Variants in FMN1 observed in about 807,000 individuals in gnomAD.
FMN1 encodes formin-1.
In FMN1, 110 loss-of-function variants were observed where a neutral mutation model predicts 132.4. That is an observed-to-expected ratio of 0.83 (90% CI 0.71 to 0.97). The LOEUF (loss-of-function observed/expected upper bound fraction) is 0.97, where lower values mean the gene tolerates loss of function less well. Ranked by LOEUF, FMN1 falls within the 50% of genes least tolerant of loss-of-function variation. The probability of loss-of-function intolerance (pLI) is 0.00; values close to 1 mark genes in which losing one functional copy is unlikely to be tolerated. For synonymous variants in FMN1, 722 were observed against 651.7 expected, an observed-to-expected ratio of 1.11 and a Z score of -1.64; for missense variants, 1,792 against 1,705.3, an observed-to-expected ratio of 1.05 and a Z score of -0.90.
intron 3 of FMN1, among the ~76,000 whole-genome samples, chr15:33,159,637 C>A (rs1039858818): frequency 5.3e-5 from 8 of 152,198 alleles, no homozygotes; most frequent in Non-Finnish European, 2.9e-5. Flanking sequence ...TGGTAACAAG[C>A]AGGTTGATGA....
intron 6 of FMN1, among the ~76,000 whole-genome samples, chr15:33,019,203 C>A (rs2035271446): frequency 6.6e-6 from 1 of 152,064 alleles, no homozygotes; most frequent in Admixed American, 6.6e-5. Context: ...ATTCACAATC[C>A]CTGAGCTAGA....
At chr15:32,819,388 C>T (rs149820568) in intron 17 of FMN1, among the ~76,000 whole-genome samples, 4 of 152,306 alleles carry the variant, frequency 2.6e-5, no homozygotes, top group Admixed American at 6.5e-5. Flanking sequence ...ATGGGTCGTT[C>T]TCACCCACGA....
At chr15:33,080,674 G>A (rs2038417407) in intron 5 of FMN1, among the ~76,000 whole-genome samples, 1 of 152,174 alleles carries the variant, frequency 6.6e-6, no homozygotes, top group South Asian at 2.1e-4. Flanking sequence ...ATCACCTGAG[G>A]TTGGGAGTTC....
intron 4 of FMN1, among the ~76,000 whole-genome samples, chr15:33,110,086 T>C (rs1480757389): frequency 6.6e-6 from 1 of 152,076 alleles, no homozygotes; most frequent in Non-Finnish European, 1.5e-5. Flanking sequence ...GTAATAAATA[T>C]TAAAATAACT....
intron 5 of FMN1, among the ~76,000 whole-genome samples, chr15:33,083,364 A>G (rs1165071944): frequency 6.6e-6 from 1 of 152,200 alleles, no homozygotes; most frequent in Non-Finnish European, 1.5e-5. Context: ...TTTCAACTAC[A>G]CTTGAACTTA....
intron 16 of FMN1, among the ~76,000 whole-genome samples, chr15:32,862,383 T>C (rs1368042689): frequency 6.6e-6 from 1 of 152,190 alleles, no homozygotes; most frequent in Non-Finnish European, 1.5e-5. Flanking sequence ...TATATTAATT[T>C]CCGAAGTTAG....
rs540901220 is a variant in FMN1 at position 32,851,617 on chromosome 15, C to T, written c.3928+5398G>A. Among the ~76,000 whole-genome samples, 9 of 152,156 alleles carry T rather than the reference C, an allele frequency of 5.9e-5. No individual in the cohort carries two copies. The South Asian group carries it at 1.9e-3, about 32-fold the overall frequency. On this transcript the variant is annotated intron_variant, in intron 17 of 20. Coordinates refer to ENST00000616417, the MANE Select transcript of FMN1 (RefSeq NM_001277313.2). The stretch of plus-strand genomic sequence containing the variant: ...GGATATCATGGAGTTTGCAACCCCG[C>T]CAAGTGGTGCCATTAAAATTACATT...
intron 17 of FMN1, among the ~76,000 whole-genome samples, chr15:32,823,323 A>G (rs1384539242): frequency 1.3e-5 from 2 of 151,662 alleles, no homozygotes; most frequent in Admixed American, 6.6e-5. Context: ...CACCATGCCC[A>G]GTTAATTTCT....
At chr15:32,952,043 G>A (rs563554871) in intron 9 of FMN1, among the ~76,000 whole-genome samples, 1 of 152,310 alleles carries the variant, frequency 6.6e-6, no homozygotes, top group Admixed American at 6.5e-5. Flanking sequence ...TGAACTCTCT[G>A]TGCAGGTCTG....
At chr15:33,160,966 T>C (rs1595583409) in intron 3 of FMN1, among the ~76,000 whole-genome samples, 3 of 152,250 alleles carry the variant, frequency 2.0e-5, no homozygotes, top group Admixed American at 2.0e-4. Context: ...TTTTAGTAGA[T>C]GCTATCTATT....
intron 4 of FMN1, among the ~76,000 whole-genome samples, chr15:33,105,385 A>T (rs943540524): frequency 6.6e-6 from 1 of 152,012 alleles, no homozygotes; most frequent in Non-Finnish European, 1.5e-5. Flanking sequence ...ATAGGATTGT[A>T]GGGGATTTGG....
chr15:33,125,271 T>C (rs1217106126), intron 4 of FMN1, among the ~76,000 whole-genome samples: 1 of 152,248 alleles, frequency 6.6e-6, no homozygotes, highest in East Asian at 1.9e-4. Context: ...TCTTGTAAAG[T>C]TTAGAGATAA....
intron 12 of FMN1, among the ~76,000 whole-genome samples, chr15:32,904,090 A>C (rs1245828092): frequency 6.6e-6 from 1 of 152,174 alleles, no homozygotes; most frequent in African/African-American, 2.4e-5. Context: ...AACAGAGCTT[A>C]ATCTACAGTC....
intron 16 of FMN1, among the ~76,000 whole-genome samples, chr15:32,861,959 C>T (rs2059279296): frequency 6.6e-6 from 1 of 152,152 alleles, no homozygotes; most frequent in Non-Finnish European, 1.5e-5. Context: ...CTCTCTGCAG[C>T]CCCACGGGCT....
At chr15:33,144,903 T>C (rs1410928109) in intron 4 of FMN1, among the ~76,000 whole-genome samples, 1 of 152,202 alleles carries the variant, frequency 6.6e-6, no homozygotes, top group African/African-American at 2.4e-5. Flanking sequence ...TGTGTAATTA[T>C]AATAAAGCTA....
chr15:32,833,635 A>G (rs1428143513), intron 17 of FMN1, among the ~76,000 whole-genome samples: 2 of 152,178 alleles, frequency 1.3e-5, no homozygotes, highest in Non-Finnish European at 2.9e-5. Flanking sequence ...ACAAGTCTGA[A>G]CACTTCTCTG....
intron 3 of FMN1, among the ~76,000 whole-genome samples, chr15:33,160,348 C>T (rs1964838941): frequency 6.6e-6 from 1 of 152,210 alleles, no homozygotes; most frequent in Admixed American, 6.5e-5. Flanking sequence ...ACCAGGTTGA[C>T]TAGCTGGTTG....
intron 5 of FMN1, chr15:33,068,002 A>T: frequency 6.8e-7 from 1 of 1,460,482 alleles, no homozygotes; most frequent in African/African-American, 1.4e-5. Context: ...CCCGGGAGTC[A>T]GGCTGTCAGC....
chr15:33,140,193 A>AACACACACACACAC (rs61485667), intron 4 of FMN1, among the ~76,000 whole-genome samples: 140 of 142,964 alleles, frequency 9.8e-4, no homozygotes, highest in Middle Eastern at 3.5e-3. Context: ...CCTATGGTTA[A>AACACACACACACAC]ACACACACAC....
Sources: gnomAD v4.1 joint callset for allele counts (sites outside exome capture counted in the v4.1 genomes callset) on GRCh38, gnomAD v4.1.1 for gene constraint, MANE v1.5 for transcripts, NCBI Gene and HGNC (gene_info 2026-07-23, HGNC 2026-07-21) for gene names.